HMGA2: variants seen among roughly 807,000 people sequenced by gnomAD.
HMGA2 encodes high mobility group protein HMGI-C.
Under a neutral mutation model 19.1 loss-of-function variants are expected in HMGA2, and 8 were observed. The ratio of observed to expected loss-of-function variants is 0.42; its 90% CI spans 0.25 to 0.76. HMGA2 has a LOEUF of 0.76. Among genes scored for constraint, HMGA2 ranks in the 30% least tolerant of loss-of-function variants. The pLI is 0.28. For synonymous variants in HMGA2, 60 were observed against 48.8 expected (o/e 1.23, Z -0.96); for missense variants, 109 against 136.3 (o/e 0.80, Z 1.00).
chr12:65,875,619 T>TTTTTTTTTTTTTTTTTTTTTTTTG (rs1872968956), intron 3 of HMGA2, among the ~76,000 whole-genome samples: 1 of 116,650 alleles, frequency 8.6e-6, no homozygotes, highest in Non-Finnish European at 1.8e-5. Flanking sequence ...TTTTTTTTTT[T>TTTTTTTTTTTTTTTTTTTTTTTTG]TTTTTTTTTT....
chr12:65,877,379 G>A (rs1481812047), intron 3 of HMGA2, among the ~76,000 whole-genome samples: 1 of 152,066 alleles, frequency 6.6e-6, no homozygotes, highest in Non-Finnish European at 1.5e-5. Flanking sequence ...TTGCTAGAAT[G>A]GTACTGTGCA....
intron 4 of HMGA2, 88 bp downstream of exon 4, chr12:65,951,503 C>T (rs1186379487): frequency 1.1e-5 from 9 of 855,436 alleles, no homozygotes; most frequent in African/African-American, 5.1e-5. Flanking sequence ...AACCTTATTT[C>T]GCATTTTCTT....
rs1176768915 is a variant in HMGA2, at chr12:65,824,690, A to T, written c.-581A>T. On this transcript the variant is annotated 5_prime_UTR_variant, in exon 1 of 5. Coordinates refer to ENST00000403681, the MANE Select transcript of HMGA2 (RefSeq NM_003483.6). ...ATCCTCCTTTGCTTTCCGACTGCCCAAGGCACTTTCAATCTCAATCTCTTC... is the reference window on the plus strand; with the variant it reads ...ATCCTCCTTTGCTTTCCGACTGCCCTAGGCACTTTCAATCTCAATCTCTTC... 4 of 205,462 alleles carry T rather than the reference A, an allele frequency of 1.9e-5. No individual in the cohort carries two copies. Among genetic ancestry groups the T allele is most frequent in the Non-Finnish European group, 3.7e-5 (4 of 108,252 alleles). 12.7% of individuals were successfully genotyped at this position (205,462 alleles called of 1,614,324 possible).
intron 3 of HMGA2, chr12:65,915,052 T>G (rs750606644): frequency 6.2e-7 from 1 of 1,613,534 alleles, no homozygotes; most frequent in Non-Finnish European, 8.5e-7. Context: ...TGATGTCATA[T>G]CCACAGGACA....
At chr12:65,922,183 T>TC (rs933126896) in intron 3 of HMGA2, among the ~76,000 whole-genome samples, 4 of 151,948 alleles carry the variant, frequency 2.6e-5, no homozygotes, top group Non-Finnish European at 4.4e-5. Context: ...AGGGTCACCA[T>TC]CCCCCAGGCC....
chr12:65,915,492 G>A (rs1565731425), intron 3 of HMGA2: 1 of 1,215,882 alleles, frequency 8.2e-7, no homozygotes, highest in South Asian at 1.9e-5. Context: ...TGGCTATGGT[G>A]TGGTTTGATT....
intron 3 of HMGA2, among the ~76,000 whole-genome samples, chr12:65,879,178 A>G (rs1873219137): frequency 6.6e-6 from 1 of 152,212 alleles, no homozygotes; most frequent in South Asian, 2.1e-4. Flanking sequence ...CCCAGGCGGG[A>G]GTGCAGTGGC....
chr12:65,868,640 A>G (rs1216448058), intron 3 of HMGA2, among the ~76,000 whole-genome samples: 1 of 152,192 alleles, frequency 6.6e-6, no homozygotes, highest in East Asian at 1.9e-4. Context: ...CATTTTCTCC[A>G]TGGTTCTTAT....
chr12:65,902,197 A>G (rs541067093), intron 3 of HMGA2, among the ~76,000 whole-genome samples: 25 of 152,258 alleles, frequency 1.6e-4, no homozygotes, highest in Non-Finnish European at 2.5e-4. Context: ...AAATAGCTAA[A>G]GAGCCATTTT....
chr12:65,951,389 C>A lies in HMGA2; in HGVS notation c.256C>A (p.Gln86Lys). 6.6e-7 allele frequency: 1 copy of A among 1,526,488 alleles called. No individual in the cohort carries two copies. The highest frequency in any genetic ancestry group is 8.8e-7 in the Non-Finnish European group (1 of 1,129,982). The allele number at this position is 1,526,488 out of a possible 1,614,324, so 94.6% of individuals were successfully genotyped here. A position where few individuals can be genotyped will look rare whatever the true frequency, so the allele number is the denominator to read the frequency against. Residue 86 changes from glutamine (Q) to lysine (K), a missense_variant, in exon 4 of 5, where the codon CAA becomes AAA. Coordinates refer to ENST00000403681, the MANE Select transcript of HMGA2 (RefSeq NM_003483.6). The part of the protein sequence containing the change: ...PRGRPRKWPQ[Q>K]VVQKKPAQEE... Reference sequence around the variant, plus strand: ...TTTTTCTTTTCCTCCTTAGCCACAACAAGTTGTTCAGAAGAAGCCTGCTCA... The same window carrying A: ...TTTTTCTTTTCCTCCTTAGCCACAAAAAGTTGTTCAGAAGAAGCCTGCTCA...
chr12:65,886,832 G>A (rs1435506642), intron 3 of HMGA2, among the ~76,000 whole-genome samples: 1 of 152,152 alleles, frequency 6.6e-6, no homozygotes, highest in Non-Finnish European at 1.5e-5. Context: ...CCAACCCACA[G>A]CGGTCACTTT....
Position 65,838,998 on chromosome 12 carries a change from C to CTTTTTTTTTTTTTTTTTTTTT in HMGA2, c.249+441_249+442insTTTTTTTTTTTTTTTTTTTTT. On this transcript the variant is annotated intron_variant, in intron 3 of 4. Transcript: ENST00000403681. ...TTTCTTTTTCTTTCTTTTTCTTTTT[C>CTTTTTTTTTTTTTTTTTTTTT]TTTTTTTTTTTTGGTTTTCTCCATG... Among the ~76,000 whole-genome samples the CTTTTTTTTTTTTTTTTTTTTT allele has an allele frequency of 1.7e-3, 181 of 107,052 alleles. 4 individuals are homozygous for CTTTTTTTTTTTTTTTTTTTTT. Among genetic ancestry groups the CTTTTTTTTTTTTTTTTTTTTT allele is most frequent in the East Asian group, 3.3e-3 (12 of 3,598 alleles). The allele number at this position is 107,052 out of a possible 152,430, so 70.2% of individuals were successfully genotyped here. A position where few individuals can be genotyped will look rare whatever the true frequency, so the allele number is the denominator to read the frequency against.
At chr12:65,827,908 A>G (rs1262718129) in intron 1 of HMGA2, 93 bp from the exon 2 acceptor site, 4 of 863,288 alleles carry the variant, frequency 4.6e-6, no homozygotes, top group Non-Finnish European at 8.0e-6. Flanking sequence ...AGCTCTTTTG[A>G]GCAGCACATG....
At chr12:65,947,648 T>C (rs1324204739) in intron 3 of HMGA2, among the ~76,000 whole-genome samples, 5 of 152,232 alleles carry the variant, frequency 3.3e-5, no homozygotes, top group African/African-American at 1.2e-4. Flanking sequence ...GTTGACCAAG[T>C]GCCTAAACTG....
At chr12:65,887,540 G>A (rs928610491) in intron 3 of HMGA2, among the ~76,000 whole-genome samples, 9 of 152,094 alleles carry the variant, frequency 5.9e-5, no homozygotes, top group Non-Finnish European at 1.2e-4. Context: ...GGCCAACACA[G>A]TGAAACTCCA....
chr12:65,831,251 G>T (rs1349900657), intron 2 of HMGA2, among the ~76,000 whole-genome samples: 1 of 151,824 alleles, frequency 6.6e-6, no homozygotes, highest in Non-Finnish European at 1.5e-5. Flanking sequence ...TGGTTAGAGA[G>T]AAAGAAGTTA....
In HMGA2 at chr12:65,963,608, G is replaced by T. The variant is rs1019137099; in HGVS notation, c.*316G>T. The T allele has an allele frequency of 1.6e-5, 7 of 425,788 alleles. No homozygotes were observed. The highest frequency in any genetic ancestry group is 1.4e-4 in the African/African-American group (7 of 50,046). The allele number at this position is 425,788 out of a possible 1,614,324, so 26.4% of individuals were successfully genotyped here. A position where few individuals can be genotyped will look rare whatever the true frequency, so the allele number is the denominator to read the frequency against. On this transcript the variant is annotated 3_prime_UTR_variant, in exon 5 of 5. Coordinates refer to ENST00000403681, the MANE Select transcript of HMGA2 (RefSeq NM_003483.6). ...TTTCTTAACCTACTAATAGTTTGTT[G>T]ATCTGATAAGCAAGAGTGGGCGGGT... is the stretch of plus-strand genomic sequence containing the variant.
intron 3 of HMGA2, among the ~76,000 whole-genome samples, chr12:65,950,593 T>C (rs542150021): frequency 1.3e-5 from 2 of 152,262 alleles, no homozygotes; most frequent in East Asian, 3.9e-4. Flanking sequence ...CACTAATGGG[T>C]ACAAGATTTC....
At chr12:65,900,593 C>T (rs1292298831) in intron 3 of HMGA2, among the ~76,000 whole-genome samples, 1 of 152,218 alleles carries the variant, frequency 6.6e-6, no homozygotes, top group Non-Finnish European at 1.5e-5. Flanking sequence ...GACTGACCAG[C>T]ACTGTGGACT....
Sources: allele counts gnomAD v4.1 joint callset (sites outside exome capture counted in the v4.1 genomes callset), GRCh38; gene constraint gnomAD v4.1.1; transcripts MANE v1.5; gene names NCBI Gene and HGNC (gene_info 2026-07-23, HGNC 2026-07-21).